The following HMGCLL1 variants were observed in gnomAD, a reference collection of about 807,000 sequenced individuals.
HMGCLL1 encodes 3-hydroxy-3-methylglutaryl-CoA lyase like 1, also known as 3-hydroxymethyl-3-methylglutaryl-CoA lyase, cytoplasmic.
HMGCLL1 carries 36 observed loss-of-function variants against 39.1 expected under a neutral mutation model. The ratio of observed to expected loss-of-function variants is 0.92; its 90% CI spans 0.71 to 1.22. The LOEUF is 1.22. Ranked by LOEUF, HMGCLL1 falls within the 50% of genes most tolerant of loss-of-function variation. The probability of loss-of-function intolerance (pLI) is 0.00; values close to 1 mark genes in which losing one functional copy is unlikely to be tolerated. For synonymous variants in HMGCLL1, 149 were observed against 144.0 expected (o/e 1.03, Z -0.25); for missense variants, 451 against 416.5 (o/e 1.08, Z -0.72).
chr6:55,490,535 G>C (rs1161924711), intron 7 of HMGCLL1, among the ~76,000 whole-genome samples: 2 of 152,180 alleles, frequency 1.3e-5, no homozygotes, highest in East Asian at 3.9e-4. Context: ...GAGTGGCAGG[G>C]TGGGTTTAGA....
chr6:55,512,862 G>C (rs1477741602), intron 5 of HMGCLL1: 1 of 152,020 alleles, frequency 6.6e-6, no homozygotes, highest in Non-Finnish European at 1.5e-5. Flanking sequence ...ACTTTAACTT[G>C]TTACGATGTG....
At chr6:55,675,631 G>A in the HMGCLL1 span, among the ~76,000 whole-genome samples, 1 of 152,060 alleles carries the variant, frequency 6.6e-6, no homozygotes, top group African/African-American at 2.4e-5. Flanking sequence ...AGTAATAAGT[G>A]AATTTAGTCT....
At chr6:55,465,530 G>T (rs1001357077) in intron 7 of HMGCLL1, among the ~76,000 whole-genome samples, 1 of 151,938 alleles carries the variant, frequency 6.6e-6, no homozygotes, top group Non-Finnish European at 1.5e-5. Context: ...TACCTTGCTT[G>T]ATTTTTTAAA....
intron 3 of HMGCLL1, among the ~76,000 whole-genome samples, chr6:55,533,938 G>C: frequency 6.6e-6 from 1 of 150,612 alleles, no homozygotes; most frequent in Non-Finnish European, 1.5e-5. Flanking sequence ...TCAGTACAGA[G>C]TTAGGACTTT....
the HMGCLL1 span, among the ~76,000 whole-genome samples, chr6:55,642,885 T>C: frequency 1.3e-5 from 2 of 152,136 alleles, no homozygotes; most frequent in Non-Finnish European, 2.9e-5. Flanking sequence ...AGTGAGAATA[T>C]GCAACATTTG....
chr6:55,609,906 C>A, the HMGCLL1 span, among the ~76,000 whole-genome samples: 3,869 of 152,142 alleles, frequency 0.025, 69 homozygotes, highest in Non-Finnish European at 0.039. Context: ...ATGAACAGGG[C>A]CCGAAGTGAA....
the HMGCLL1 span, among the ~76,000 whole-genome samples, chr6:55,670,410 A>G: frequency 6.6e-6 from 1 of 151,876 alleles, no homozygotes; most frequent in African/African-American, 2.4e-5. Flanking sequence ...CCATGAATAA[A>G]CAAGTAACAA....
chr6:55,603,491 C>T, the HMGCLL1 span, among the ~76,000 whole-genome samples: 1 of 152,044 alleles, frequency 6.6e-6, no homozygotes, highest in African/African-American at 2.4e-5. Context: ...GTTTTGCCAC[C>T]TCTTCTGTAC....
the HMGCLL1 span, among the ~76,000 whole-genome samples, chr6:55,612,326 T>A: frequency 6.6e-6 from 1 of 152,246 alleles, no homozygotes; most frequent in Admixed American, 6.5e-5. Context: ...AAACATTATA[T>A]CCTTGTGGAT....
chr6:55,530,840 A>G (rs1021888032), intron 3 of HMGCLL1, among the ~76,000 whole-genome samples: 14 of 152,166 alleles, frequency 9.2e-5, no homozygotes, highest in Non-Finnish European at 1.9e-4. Context: ...AATTAGAAAA[A>G]TCACTTTATT....
intron 1 of HMGCLL1, among the ~76,000 whole-genome samples, chr6:55,559,008 C>T (rs1490812417): frequency 6.6e-6 from 1 of 152,066 alleles, no homozygotes; most frequent in Non-Finnish European, 1.5e-5. Context: ...TTTCATTTAG[C>T]TATGGATCCA....
chr6:55,659,807 A>G, the HMGCLL1 span, among the ~76,000 whole-genome samples: 1 of 151,872 alleles, frequency 6.6e-6, no homozygotes, highest in Non-Finnish European at 1.5e-5. Flanking sequence ...ACACTATAAT[A>G]TCCTCTAAAC....
At chr6:55,602,836 C>T in the HMGCLL1 span, among the ~76,000 whole-genome samples, 1 of 152,004 alleles carries the variant, frequency 6.6e-6, no homozygotes, top group Non-Finnish European at 1.5e-5. Context: ...AAGTTGAGAT[C>T]TGTGTATTAT....
chr6:55,499,173 C>G, intron 6 of HMGCLL1, 63 bp downstream of exon 6: 2 of 1,271,294 alleles, frequency 1.6e-6, no homozygotes, highest in Non-Finnish European at 2.2e-6. Context: ...TTAAGAAAGC[C>G]CCCTTTTAAA....
chr6:55,582,486 T>C (rs554865473), upstream of HMGCLL1, among the ~76,000 whole-genome samples: 1 of 152,278 alleles, frequency 6.6e-6, no homozygotes, highest in East Asian at 1.9e-4. Context: ...TGGGGGTAAG[T>C]CATATTTCTT....
At chr6:55,545,477 A>G (rs766009915) in intron 1 of HMGCLL1, among the ~76,000 whole-genome samples, 6 of 152,166 alleles carry the variant, frequency 3.9e-5, no homozygotes, top group Non-Finnish European at 7.4e-5. Context: ...TTTCTAGACT[A>G]TCTGAATTAA....
At chr6:55,546,490 T>A (rs9382506) in intron 1 of HMGCLL1, among the ~76,000 whole-genome samples, 98,452 of 151,946 alleles carry the variant, frequency 0.65, 32,196 homozygotes, top group Admixed American at 0.71. Flanking sequence ...AAAATTGAAC[T>A]TTCTTTTAGC....
chr6:55,543,708 C>A (rs1294067459), intron 1 of HMGCLL1, among the ~76,000 whole-genome samples: 1 of 149,878 alleles, frequency 6.7e-6, no homozygotes, highest in Non-Finnish European at 1.5e-5. Flanking sequence ...AACAAAAAAT[C>A]AAAAATTAGT....
intron 3 of HMGCLL1, among the ~76,000 whole-genome samples, chr6:55,538,423 A>C (rs1769152143): frequency 6.6e-6 from 1 of 152,184 alleles, no homozygotes; most frequent in Non-Finnish European, 1.5e-5. Flanking sequence ...TAAAGACAGA[A>C]GTAAATTTAT....
Sources: allele counts gnomAD v4.1 joint callset (sites outside exome capture counted in the v4.1 genomes callset), GRCh38; gene constraint gnomAD v4.1.1; transcripts MANE v1.5; gene names NCBI Gene and HGNC (gene_info 2026-07-23, HGNC 2026-07-21).